Variants in COL4A2 observed in about 807,000 individuals in gnomAD.
COL4A2 encodes collagen type IV alpha 2 chain.
COL4A2 carries 99 observed loss-of-function variants against 200.2 expected under a neutral mutation model. That is an observed-to-expected ratio of 0.49 (90% CI 0.42 to 0.58). The LOEUF is 0.58. Ranked by LOEUF, COL4A2 falls within the 20% of genes least tolerant of loss-of-function variation. COL4A2 has a pLI of 0.00. For missense variants in COL4A2, 1,950 were observed against 2,314.1 expected (o/e 0.84, Z 3.23); for synonymous variants, 897 against 900.6 (o/e 1.00, Z 0.07).
In COL4A2 at chr13:110,446,744, C is replaced by A. The variant is rs188143007; in HGVS notation, c.1012-54C>A. ...TCTTCTTTGGAAATATGTGTACTGT[C>A]AAAAACTCCAAAAGGCTATTCTCAC... On this transcript the variant is annotated intron_variant, in intron 17 of 47. Coordinates refer to ENST00000360467, the MANE Select transcript of COL4A2 (RefSeq NM_001846.4). 310 of 1,511,394 alleles carry A rather than the reference C, an allele frequency of 2.1e-4. 1 individual carries two copies. The East Asian group carries it at 6.8e-3, about 33-fold the overall frequency. 93.6% of individuals were successfully genotyped at this position (1,511,394 alleles called of 1,614,324 possible). A position where few individuals can be genotyped will look rare whatever the true frequency, so the allele number is the denominator to read the frequency against.
chr13:110,441,006 C>A (rs1293060297), intron 16 of COL4A2, among the ~76,000 whole-genome samples: 1 of 152,234 alleles, frequency 6.6e-6, no homozygotes, highest in Non-Finnish European at 1.5e-5. Context: ...ATAGGTGCGC[C>A]ATATTTCCTT....
At chr13:110,409,759 G>A (rs981080761) in intron 4 of COL4A2, among the ~76,000 whole-genome samples, 4 of 152,214 alleles carry the variant, frequency 2.6e-5, no homozygotes, top group Non-Finnish European at 5.9e-5. Context: ...ACTAAAGAAA[G>A]ATCAGTTTCT....
rs562111585 is a variant in COL4A2 at position 110,313,093 on chromosome 13, T to G, written c.99+4970T>G. On this transcript the variant is annotated intron_variant, in intron 3 of 47. Coordinates refer to ENST00000360467, the MANE Select transcript of COL4A2 (RefSeq NM_001846.4). ...CCAGGATATCGCTTAGAAATCAATA[T>G]GCCACATGGGACTTTTTATCTTCAC... Among the ~76,000 whole-genome samples the G allele has an allele frequency of 9.5e-4, 145 of 152,266 alleles. 1 individual carries two copies. The highest frequency in any genetic ancestry group is 2.5e-3 in the Admixed American group (39 of 15,300).
At chr13:110,337,836 TAGAG>T (rs1421869073) in intron 3 of COL4A2, among the ~76,000 whole-genome samples, 16 of 152,200 alleles carry the variant, frequency 1.1e-4, no homozygotes, top group African/African-American at 2.9e-4. Context: ...CTGTTAAAAA[TAGAG>T]AGAGCATTGA....
At chr13:110,493,820 G>GT (rs915838609) in intron 39 of COL4A2, among the ~76,000 whole-genome samples, 4 of 30,906 alleles carry the variant, frequency 1.3e-4, no homozygotes, top group African/African-American at 1.9e-4. Context: ...GTCGGGTTCT[G>GT]GGGGGGGCCG....
intron 16 of COL4A2, among the ~76,000 whole-genome samples, chr13:110,443,502 A>G (rs1881212364): frequency 6.6e-6 from 1 of 152,204 alleles, no homozygotes; most frequent in Non-Finnish European, 1.5e-5. Context: ...TCAACCTTGT[A>G]CTTCTAAAAT....
intron 4 of COL4A2, among the ~76,000 whole-genome samples, chr13:110,389,430 C>T (rs1424008047): frequency 6.6e-6 from 1 of 152,222 alleles, no homozygotes; most frequent in Admixed American, 6.5e-5. Flanking sequence ...ATCCACCCTT[C>T]ATGATTTAAT....
intron 3 of COL4A2, among the ~76,000 whole-genome samples, chr13:110,353,993 G>T (rs1326852784): frequency 1.3e-5 from 2 of 152,146 alleles, no homozygotes; most frequent in African/African-American, 2.4e-5. Flanking sequence ...TTTTGAGTGG[G>T]TTATGAATAA....
chr13:110,396,620 C>A (rs555317614), intron 4 of COL4A2, among the ~76,000 whole-genome samples: 27 of 152,296 alleles, frequency 1.8e-4, no homozygotes, highest in African/African-American at 6.3e-4. Context: ...AGACATCTCA[C>A]CACGCCCTCC....
chr13:110,358,453 T>C (rs1030920390), intron 4 of COL4A2, among the ~76,000 whole-genome samples: 1 of 152,216 alleles, frequency 6.6e-6, no homozygotes, highest in Non-Finnish European at 1.5e-5. Context: ...CACATATAAA[T>C]AGGAGTACAC....
chr13:110,503,055 C>A, intron 41 of COL4A2, 66 bp from the exon 42 acceptor site: 2 of 1,493,612 alleles, frequency 1.3e-6, no homozygotes, highest in Non-Finnish European at 1.8e-6. Flanking sequence ...TGACGGTGCA[C>A]CTGACTGCCC....
At chr13:110,429,849 G>A (rs762922422) in intron 7 of COL4A2, 36 bp from the exon 8 acceptor site, 2 of 1,600,506 alleles carry the variant, frequency 1.2e-6, no homozygotes, top group Non-Finnish European at 1.7e-6. Context: ...GACTCTTTTT[G>A]TTGTTTTTTC....
chr13:110,462,504 C>A (rs1213739793), intron 24 of COL4A2, 120 bp downstream of exon 24: 4 of 775,142 alleles, frequency 5.2e-6, no homozygotes, highest in Non-Finnish European at 8.2e-6. Flanking sequence ...ATAGGACAGG[C>A]TGCTCATTCT....
rs1000663745 is a variant in COL4A2 at position 110,458,780 on chromosome 13, G to C, written c.1442G>C (p.Gly481Ala). Reference sequence around the variant, plus strand: ...TCTCCCTCCTCTGCAGGTGACGCTGGGGAATGCAGATGTACAGAAGGCGAC... The same window carrying C: ...TCTCCCTCCTCTGCAGGTGACGCTGCGGAATGCAGATGTACAGAAGGCGAC... Reference protein sequence around the residue: ...RGPKGWKGDAGECRCTEGDEA... With the variant: ...RGPKGWKGDAAECRCTEGDEA... Residue 481 changes from glycine to alanine, a missense_variant, in exon 22 of 48, where the codon GGG (glycine) becomes GCG (alanine). Transcript: ENST00000360467. 1.2e-6 allele frequency: 2 copies of C among 1,614,092 alleles called. No individual in the cohort carries two copies. The highest frequency in any genetic ancestry group is 1.7e-6 in the Non-Finnish European group (2 of 1,180,012).
chr13:110,478,145 A>G lies in COL4A2; in HGVS notation c.2568A>G (p.Pro856=). 2 of 1,595,692 alleles carry G rather than the reference A, an allele frequency of 1.3e-6. No homozygotes were observed. The highest frequency in any genetic ancestry group is 1.7e-6 in the Non-Finnish European group (2 of 1,170,294). Residue 856 remains proline (P), a synonymous_variant, in exon 30 of 48, where the codon CCA becomes CCG. Transcript: ENST00000360467. ...APGQEGPLGL[P]GIPGREGLPG... ...GCCAAGAGGGGCCCTTGGGGCTGCC[A>G]GGAATCCCAGGCCGTGAAGGTAAGA...
chr13:110,424,609 A>AT, intron 4 of COL4A2, 125 bp from the exon 5 acceptor site: 7 of 573,950 alleles, frequency 1.2e-5, no homozygotes, highest in Non-Finnish European at 1.8e-5. Context: ...TTTACATATA[A>AT]TGTTCCCTGT....
rs756140873 is a variant in COL4A2 at position 110,432,370 on chromosome 13, T to C, written c.684+10T>C. On this transcript the variant is annotated intron_variant, in intron 11 of 47. Transcript: ENST00000360467. Reference sequence around the variant, plus strand: ...ACCAAAAGGACAGCAAGTAAGTTGGTTTTGGGGGGTGAGGATGAGGGAAGG... The same window carrying C: ...ACCAAAAGGACAGCAAGTAAGTTGGCTTTGGGGGGTGAGGATGAGGGAAGG... 3.1e-6 allele frequency: 5 copies of C among 1,600,668 alleles called. No homozygotes were observed. Among genetic ancestry groups the C allele is most frequent in the African/African-American group, 1.3e-5 (1 of 74,208 alleles).
chr13:110,381,199 A>T (rs1306229391), intron 4 of COL4A2, among the ~76,000 whole-genome samples: 2 of 147,318 alleles, frequency 1.4e-5, no homozygotes, highest in Non-Finnish European at 3.0e-5. Flanking sequence ...TCTCTATCTC[A>T]TACCCACAGG....
intron 20 of COL4A2, 51 bp downstream of exon 20, chr13:110,450,505 C>T: frequency 1.3e-6 from 2 of 1,595,934 alleles, no homozygotes; most frequent in South Asian, 1.1e-5. Context: ...TCAGATGAAG[C>T]CCGGTCCCAG....
Sources: allele counts gnomAD v4.1 joint callset (sites outside exome capture counted in the v4.1 genomes callset), GRCh38; gene constraint gnomAD v4.1.1; transcripts MANE v1.5; gene names NCBI Gene and HGNC (gene_info 2026-07-23, HGNC 2026-07-21).